The following SDK1 variants were observed in gnomAD, a reference collection of about 807,000 sequenced individuals.
SDK1 encodes protein sidekick-1.
In SDK1, 157 loss-of-function variants were observed where a neutral mutation model predicts 245.5. The ratio of observed to expected loss-of-function variants is 0.64; its 90% confidence interval spans 0.56 to 0.73. The LOEUF is 0.73. Ranked by LOEUF, SDK1 falls within the 30% of genes least tolerant of loss-of-function variation. SDK1 has a pLI of 0.00. For missense variants in SDK1, 3,583 were observed against 3,002.3 expected, an observed-to-expected ratio of 1.19 and a Z score of -4.52; for synonymous variants, 1,647 against 1,278.5, an observed-to-expected ratio of 1.29 and a Z score of -6.15.
intron 9 of SDK1, among the ~76,000 whole-genome samples, chr7:3,966,773 C>T (rs1269388193): frequency 2.0e-5 from 3 of 152,086 alleles, no homozygotes; most frequent in African/African-American, 7.2e-5. Context: ...GCAGCCTCAG[C>T]CTCCTGGGCT....
intron 5 of SDK1, among the ~76,000 whole-genome samples, chr7:3,879,475 G>T (rs950730852): frequency 6.6e-6 from 1 of 152,108 alleles, no homozygotes; most frequent in Non-Finnish European, 1.5e-5. Flanking sequence ...GGCAGAGACC[G>T]CAGCACCCTG....
At chr7:3,587,417 G>A (rs1239317393) in intron 1 of SDK1, among the ~76,000 whole-genome samples, 1 of 152,082 alleles carries the variant, frequency 6.6e-6, no homozygotes, top group East Asian at 1.9e-4. Flanking sequence ...GGAGACCCAG[G>A]CAAGCTGGTG....
chr7:3,838,075 C>A (rs971216902), intron 5 of SDK1, among the ~76,000 whole-genome samples: 5 of 152,180 alleles, frequency 3.3e-5, no homozygotes, highest in Non-Finnish European at 7.4e-5. Context: ...TGCTGGGAGA[C>A]ACTCCCTTAG....
At chr7:3,528,242 G>T (rs1370410534) in intron 1 of SDK1, among the ~76,000 whole-genome samples, 1 of 136,130 alleles carries the variant, frequency 7.3e-6, no homozygotes, top group Non-Finnish European at 1.6e-5. Context: ...AATGTTGGAT[G>T]ATATTCAGCT....
chr7:3,580,455 A>G (rs944330464), intron 1 of SDK1, among the ~76,000 whole-genome samples: 1 of 152,182 alleles, frequency 6.6e-6, no homozygotes, highest in African/African-American at 2.4e-5. Context: ...ACATAGAACA[A>G]TGGAACAGAA....
intron 1 of SDK1, among the ~76,000 whole-genome samples, chr7:3,433,716 T>G (rs1583850732): frequency 3.3e-5 from 5 of 152,122 alleles, no homozygotes; most frequent in East Asian, 3.9e-4. Context: ...CTCAATTGAT[T>G]CAGAAAAATT....
intron 1 of SDK1, among the ~76,000 whole-genome samples, chr7:3,431,796 C>G (rs988332583): frequency 6.6e-6 from 1 of 152,012 alleles, no homozygotes; most frequent in African/African-American, 2.4e-5. Context: ...TGGGATCTAC[C>G]TGATAGAAAC....
chr7:3,476,358 C>G (rs879801510), intron 1 of SDK1, among the ~76,000 whole-genome samples: 5 of 152,198 alleles, frequency 3.3e-5, no homozygotes, highest in African/African-American at 7.2e-5. Flanking sequence ...GCATCTAACA[C>G]TACCAGGGCT....
At chr7:3,974,112 A>G (rs1782695831) in intron 12 of SDK1, among the ~76,000 whole-genome samples, 1 of 141,844 alleles carries the variant, frequency 7.1e-6, no homozygotes, top group African/African-American at 2.7e-5. Flanking sequence ...TGAACCCAGG[A>G]GGTGGAGGCT....
At chr7:3,490,944 C>G (rs995800948) in intron 1 of SDK1, among the ~76,000 whole-genome samples, 2 of 152,246 alleles carry the variant, frequency 1.3e-5, no homozygotes, top group African/African-American at 4.8e-5. Flanking sequence ...GGCATTCACT[C>G]TGTGTAACAT....
chr7:3,774,852 C>A (rs1442787075), intron 4 of SDK1, among the ~76,000 whole-genome samples: 1 of 152,210 alleles, frequency 6.6e-6, no homozygotes, highest in Admixed American at 6.5e-5. Context: ...ACAAGTCTGA[C>A]AAACCATGCT....
chr7:3,395,486 G>C (rs184595724), intron 1 of SDK1, among the ~76,000 whole-genome samples: 9 of 151,864 alleles, frequency 5.9e-5, no homozygotes, highest in Middle Eastern at 3.4e-3. Context: ...CCCATAATGA[G>C]TGGGAATATT....
intron 19 of SDK1, among the ~76,000 whole-genome samples, chr7:4,057,525 T>C (rs901838732): frequency 3.9e-5 from 6 of 152,012 alleles, no homozygotes; most frequent in African/African-American, 1.4e-4. Flanking sequence ...TCACTGCCTA[T>C]AGCATGCCTG....
chr7:3,769,499 A>G (rs959671827), intron 4 of SDK1, among the ~76,000 whole-genome samples: 4 of 152,192 alleles, frequency 2.6e-5, no homozygotes, highest in African/African-American at 9.6e-5. Context: ...ATGAGGTCAG[A>G]GTCCTTATGA....
chr7:3,462,854 A>T (rs924844996), intron 1 of SDK1, among the ~76,000 whole-genome samples: 1 of 152,166 alleles, frequency 6.6e-6, no homozygotes, highest in Admixed American at 6.5e-5. Context: ...GACTCATGAC[A>T]TCGTGCTTTT....
At chr7:3,454,270 C>G (rs1172039953) in intron 1 of SDK1, among the ~76,000 whole-genome samples, 1 of 152,156 alleles carries the variant, frequency 6.6e-6, no homozygotes, top group African/African-American at 2.4e-5. Context: ...TTATGAAAAT[C>G]AACTCACTTT....
intron 14 of SDK1, among the ~76,000 whole-genome samples, chr7:4,002,249 G>GC (rs11424360): frequency 1 from 152,146 of 152,344 alleles, 75,974 homozygotes; most frequent in Middle Eastern, 1. Context: ...CTGGGCTCCA[G>GC]CCGGAGGGGT....
At chr7:3,635,596 T>C (rs1315903384) in intron 2 of SDK1, among the ~76,000 whole-genome samples, 1 of 152,258 alleles carries the variant, frequency 6.6e-6, no homozygotes, top group Non-Finnish European at 1.5e-5. Flanking sequence ...GGAAATACTT[T>C]TAAATTGTGG....
chr7:3,538,678 C>G (rs1323620093), intron 1 of SDK1, among the ~76,000 whole-genome samples: 5 of 152,126 alleles, frequency 3.3e-5, no homozygotes, highest in African/African-American at 7.2e-5. Context: ...TCGTGTCTGC[C>G]CACCCGGCTA....
Sources: allele counts gnomAD v4.1 joint callset (sites outside exome capture counted in the v4.1 genomes callset), GRCh38; gene constraint gnomAD v4.1.1; transcripts MANE v1.5; gene names NCBI Gene and HGNC (gene_info 2026-07-23, HGNC 2026-07-21).